TCF12: variants seen among roughly 807,000 people sequenced by gnomAD.
TCF12 encodes transcription factor 12.
In TCF12, 45 loss-of-function variants were observed where a neutral mutation model predicts 86.0. The ratio of observed to expected loss-of-function variants is 0.52; its 90% CI spans 0.41 to 0.67. TCF12 has a LOEUF of 0.67. Among genes scored for constraint, TCF12 ranks in the 30% least tolerant of loss-of-function variants. The probability of loss-of-function intolerance (pLI) is 0.00; values close to 1 mark genes in which losing one functional copy is unlikely to be tolerated. For synonymous variants in TCF12, 330 were observed against 299.6 expected, an observed-to-expected ratio of 1.10 and a Z score of -1.05; for missense variants, 881 against 859.9, an observed-to-expected ratio of 1.02 and a Z score of -0.31.
chr15:56,972,182 G>A (rs28649108), intron 3 of TCF12, among the ~76,000 whole-genome samples: 36,970 of 152,110 alleles, frequency 0.24, 5,278 homozygotes, highest in East Asian at 0.4. Flanking sequence ...ATTCATTCCT[G>A]TACATTGCTA....
chr15:57,008,421 G>A (rs2064613622), intron 3 of TCF12, among the ~76,000 whole-genome samples: 1 of 142,766 alleles, frequency 7.0e-6, no homozygotes, highest in Non-Finnish European at 1.5e-5. Flanking sequence ...TGTTACCCAT[G>A]TTGGAGTATA....
In TCF12 at chr15:57,042,782, A is replaced by G. The variant is rs117289042; in HGVS notation, c.149-20968A>G. On this transcript the variant is annotated intron_variant, in intron 3 of 20. Transcript: ENST00000333725. ...TTTGTTTTTTATTGTGGTTAAAAAA[A>G]TGAGATCTGTCTTCTTAACAAATTC... is the stretch of plus-strand genomic sequence containing the variant. 4.1e-3 allele frequency among the ~76,000 whole-genome samples: 619 copies of G among 152,214 alleles called. 7 individuals are homozygous for G. The highest frequency in any genetic ancestry group is 0.022 in the Admixed American group (334 of 15,288).
rs2058492109 is a variant in TCF12, at chr15:57,219,710, T to C, written c.580-11442T>C. The C allele has an allele frequency of 6.1e-6, 5 of 820,710 alleles. No individual in the cohort carries two copies. In the South Asian group the frequency reaches 1.2e-4, roughly 20 times the overall value. 50.8% of individuals were successfully genotyped at this position (820,710 alleles called of 1,614,324 possible). ...TTATCCTTTTATGCAATGTATTAGA[T>C]TGTAGATTTCTTTTTTTTTTTTTTT... On this transcript the variant is annotated intron_variant, in intron 8 of 20. Transcript: ENST00000333725.
At chr15:57,284,079 A>G (rs2152142863) in intron 20 of TCF12, among the ~76,000 whole-genome samples, 1 of 152,360 alleles carries the variant, frequency 6.6e-6, no homozygotes, top group Admixed American at 6.5e-5. Flanking sequence ...CAGATCCTCT[A>G]AAACCTAGAT....
At chr15:57,265,441 G>A (rs1230283687) in intron 18 of TCF12, among the ~76,000 whole-genome samples, 1 of 152,158 alleles carries the variant, frequency 6.6e-6, no homozygotes, top group Non-Finnish European at 1.5e-5. Flanking sequence ...GTCCAGGATT[G>A]TTTCTACCTT....
intron 4 of TCF12, among the ~76,000 whole-genome samples, chr15:57,085,530 T>A (rs1596460911): frequency 6.6e-6 from 1 of 152,176 alleles, no homozygotes; most frequent in Non-Finnish European, 1.5e-5. Flanking sequence ...CGCTCTCACA[T>A]AACAGACTGT....
intron 4 of TCF12, among the ~76,000 whole-genome samples, chr15:57,076,524 G>C (rs1357221563): frequency 6.6e-6 from 1 of 151,784 alleles, no homozygotes; most frequent in Non-Finnish European, 1.5e-5. Flanking sequence ...GTGGTGGCAG[G>C]CGCCTGTAGT....
chr15:57,248,107 G>T, intron 13 of TCF12: 1 of 702,304 alleles, frequency 1.4e-6, no homozygotes, highest in Non-Finnish European at 2.6e-6. Flanking sequence ...TCTTTCTTTT[G>T]AGAGTCTTTT....
rs376057989 is a variant in TCF12, at chr15:57,257,864, G to A, written c.1468-4230G>A. ...ATATATCATTTAAATTTTAAAGCGC[G>A]AAATCAAGAGTTTTTAGAACTATTG... On this transcript the variant is annotated intron_variant, in intron 16 of 20. Coordinates refer to ENST00000333725, the MANE Select transcript of TCF12 (RefSeq NM_207037.2). Among the ~76,000 whole-genome samples, 32 of 152,048 alleles carry A rather than the reference G, an allele frequency of 2.1e-4. No homozygotes were observed. In the East Asian group the frequency reaches 4.3e-3, roughly 20 times the overall value.
rs61173765 is a variant in TCF12 at position 57,007,755 on chromosome 15, CTTCTTTCTTTCT to C, written c.149-55970_149-55959del. The stretch of plus-strand genomic sequence containing the variant: ...GAAAATGATGTAACAAATATTTTTC[CTTCTTTCTTTCT>C]TTCTTTCTTTCTTTCTTTCTTTCTC... On this transcript the variant is annotated intron_variant, in intron 3 of 20. Transcript: ENST00000333725. 2.5e-3 allele frequency among the ~76,000 whole-genome samples: 211 copies of C among 83,980 alleles called. 2 individuals are homozygous for C. The highest frequency in any genetic ancestry group is 5.9e-3 in the East Asian group (16 of 2,692). The allele number at this position is 83,980 out of a possible 152,430, so 55.1% of individuals were successfully genotyped here. A position where few individuals can be genotyped will look rare whatever the true frequency, so the allele number is the denominator to read the frequency against.
chr15:56,990,601 A>G (rs1226039237), intron 3 of TCF12, among the ~76,000 whole-genome samples: 1 of 152,142 alleles, frequency 6.6e-6, no homozygotes, highest in African/African-American at 2.4e-5. Context: ...GGTAAATTCT[A>G]TTGCAGATTT....
intron 3 of TCF12, among the ~76,000 whole-genome samples, chr15:57,024,254 G>A (rs1007694884): frequency 7.1e-5 from 9 of 127,422 alleles, no homozygotes; most frequent in Non-Finnish European, 1.2e-4. Context: ...ACGGAGTCTC[G>A]CTCTGTCTCC....
chr15:56,961,973 T>TA (rs1210732246), intron 3 of TCF12, among the ~76,000 whole-genome samples: 12 of 150,064 alleles, frequency 8.0e-5, no homozygotes, highest in Non-Finnish European at 1.3e-4. Flanking sequence ...TACTAAAAAT[T>TA]AAAAAAAAAT....
intron 3 of TCF12, among the ~76,000 whole-genome samples, chr15:56,930,089 G>T (rs1431656032): frequency 6.6e-6 from 1 of 152,180 alleles, no homozygotes; most frequent in Non-Finnish European, 1.5e-5. Context: ...AACACAGGTT[G>T]GACTTAATAT....
intron 5 of TCF12, among the ~76,000 whole-genome samples, chr15:57,111,920 G>C (rs2050521948): frequency 6.6e-6 from 1 of 152,108 alleles, no homozygotes; most frequent in African/African-American, 2.4e-5. Flanking sequence ...TTTGTAAGTG[G>C]AAGAGGAGAA....
At chr15:57,076,348 G>T (rs1352159808) in intron 4 of TCF12, among the ~76,000 whole-genome samples, 2 of 152,010 alleles carry the variant, frequency 1.3e-5, no homozygotes, top group Non-Finnish European at 2.9e-5. Context: ...TGTAGTAAAT[G>T]ATAAATCTTT....
rs57645813 is a variant in TCF12, at chr15:57,222,758, ATTTTTTTTTTTTTTTTTTTTT to A, written c.580-8378_580-8358del. 3.1e-4 allele frequency among the ~76,000 whole-genome samples: 14 copies of A among 45,530 alleles called. No homozygotes were observed. In the South Asian group the frequency reaches 5.7e-3, roughly 19 times the overall value. The allele number at this position is 45,530 out of a possible 152,430, so 29.9% of individuals were successfully genotyped here. On this transcript the variant is annotated intron_variant, in intron 8 of 20. Transcript: ENST00000333725. Reference sequence around the variant, plus strand: ...GTTTTGGGGGAAAAAAAGGACTGCCATTTTTTTTTTTTTTTTTTTTTTTTTTTTTTTTTTTTACTTTTAAGA... The same window carrying A: ...GTTTTGGGGGAAAAAAAGGACTGCCATTTTTTTTTTTTTTTACTTTTAAGA...
intron 3 of TCF12, among the ~76,000 whole-genome samples, chr15:57,013,070 G>C (rs1596114845): frequency 6.6e-6 from 1 of 151,834 alleles, no homozygotes; most frequent in South Asian, 2.1e-4. Flanking sequence ...CTGTATGATA[G>C]TATGGTATTT....
At chr15:57,185,952 A>G (rs1404107039) in intron 6 of TCF12, among the ~76,000 whole-genome samples, 1 of 152,218 alleles carries the variant, frequency 6.6e-6, no homozygotes, top group African/African-American at 2.4e-5. Context: ...ACTGAGAAAA[A>G]AAAGAACAGT....
Sources: gnomAD v4.1 joint callset for allele counts (sites outside exome capture counted in the v4.1 genomes callset) on GRCh38, gnomAD v4.1.1 for gene constraint, MANE v1.5 for transcripts, NCBI Gene and HGNC (gene_info 2026-07-23, HGNC 2026-07-21) for gene names.